Variants in PLCH1 observed in about 807,000 individuals in gnomAD.
PLCH1 encodes the protein 1-phosphatidylinositol 4,5-bisphosphate phosphodiesterase eta-1.
A neutral mutation model predicts 126.7 loss-of-function variants in PLCH1; 60 were observed. The ratio of observed to expected loss-of-function variants is 0.47; its 90% CI spans 0.38 to 0.59. The LOEUF is 0.59. Among genes scored for constraint, PLCH1 ranks in the 20% least tolerant of loss-of-function variants. PLCH1 has a pLI of 0.00. For synonymous variants in PLCH1, 719 were observed against 734.9 expected (o/e 0.98, Z 0.35); for missense variants, 1,723 against 2,040.0 (o/e 0.84, Z 2.99).
intron 2 of PLCH1, among the ~76,000 whole-genome samples, chr3:155,661,470 G>C (rs1742133145): frequency 6.6e-6 from 1 of 152,042 alleles, no homozygotes; most frequent in Admixed American, 6.6e-5. Flanking sequence ...GGTTCTAATT[G>C]CTAGCATCCC....
intron 4 of PLCH1, among the ~76,000 whole-genome samples, chr3:155,591,531 A>G (rs1465712246): frequency 6.6e-6 from 1 of 152,236 alleles, no homozygotes; most frequent in East Asian, 1.9e-4. Flanking sequence ...CAGACATTAA[A>G]GAGATTTGTA....
intron 2 of PLCH1, among the ~76,000 whole-genome samples, chr3:155,603,542 G>T (rs898580686): frequency 6.6e-6 from 1 of 152,148 alleles, no homozygotes; most frequent in Non-Finnish European, 1.5e-5. Context: ...CAGAGTTCTG[G>T]TCTGGGCTCT....
chr3:155,662,689 G>A (rs1742302624), intron 2 of PLCH1, among the ~76,000 whole-genome samples: 1 of 151,716 alleles, frequency 6.6e-6, no homozygotes, highest in East Asian at 1.9e-4. Context: ...TTTTTAGATG[G>A]AGTCTCACTC....
chr3:155,626,768 CAAAAAAAAAAAAAAA>C (rs71155058), intron 2 of PLCH1, among the ~76,000 whole-genome samples: 6 of 49,652 alleles, frequency 1.2e-4, no homozygotes, highest in Non-Finnish European at 2.4e-4. Flanking sequence ...GACTCCGTCT[CAAAAAAAAAAAAAAA>C]AAAAAAAAAA....
At chr3:155,732,535 A>C (rs1748848261) in intron 1 of PLCH1, among the ~76,000 whole-genome samples, 1 of 151,598 alleles carries the variant, frequency 6.6e-6, no homozygotes, top group Admixed American at 6.6e-5. Context: ...AAAAAAAAAG[A>C]ACTAATAAAC....
At position 155,686,521 on chromosome 3, in the gene PLCH1, C is replaced by T. The variant is rs551461897; in HGVS notation, c.79+17625G>A. ...TTTTGAAGCTGTGGACATGAACACA[C>T]GGTGTGGCATGGTAGGTACCTCACA... On this transcript the variant is annotated intron_variant, in intron 2 of 22. Coordinates refer to ENST00000460012, the MANE Select transcript of PLCH1 (RefSeq NM_014996.4). Among the ~76,000 whole-genome samples, 27 of 152,264 alleles carry T rather than the reference C, an allele frequency of 1.8e-4. No individual in the cohort carries two copies. The South Asian group carries it at 3.9e-3, about 22-fold the overall frequency.
chr3:155,481,134 A>G lies in PLCH1; in HGVS notation c.4892T>C (p.Leu1631Pro), dbSNP rs766596023. ...HSTGSYIAGY[L>P]KNTKGGGLEG... ...AAGGCCACCCCCTTTCGTGTTCTTC[A>G]GGTAGCCTGCGATGTAGGAGCCGGT... The change falls in exon 23 of 23, where the codon CTG (leucine) becomes CCG (proline). Residue 1631 changes from leucine to proline, a missense_variant. Physicochemically the swap from Leu to Pro is moderately conservative, Grantham distance 98. This residue lies in a region of PLCH1 where 947 missense variants were observed against 977.1 expected (regional missense o/e 0.97). Coordinates refer to ENST00000460012, the MANE Select transcript of PLCH1 (RefSeq NM_014996.4). This position sits in a 1 kb window ranked among gnomAD's most constrained non-coding sequence, Gnocchi z 4.2. 2.5e-6 allele frequency: 4 copies of G among 1,614,190 alleles called. No individual in the cohort carries two copies. In the South Asian group the frequency reaches 4.4e-5, roughly 18 times the overall value.
intron 21 of PLCH1, among the ~76,000 whole-genome samples, chr3:155,473,308 G>A (rs1186799544): frequency 6.6e-6 from 1 of 152,020 alleles, no homozygotes; most frequent in Non-Finnish European, 1.5e-5. Context: ...CAAATCATGA[G>A]TGACCTCCCA....
intron 2 of PLCH1, among the ~76,000 whole-genome samples, chr3:155,620,976 C>T (rs1006099330): frequency 6.6e-6 from 1 of 152,174 alleles, no homozygotes; most frequent in Non-Finnish European, 1.5e-5. Flanking sequence ...GAAGACACCT[C>T]CCAGTAGGGG....
chr3:155,562,074 C>A (rs1206828492), intron 8 of PLCH1, among the ~76,000 whole-genome samples: 1 of 152,198 alleles, frequency 6.6e-6, no homozygotes, highest in Admixed American at 6.5e-5. Flanking sequence ...AGCCACTGCG[C>A]CTGGCCACAT....
At chr3:155,549,496 A>T (rs991171905) in intron 10 of PLCH1, among the ~76,000 whole-genome samples, 2 of 152,136 alleles carry the variant, frequency 1.3e-5, no homozygotes, top group African/African-American at 4.8e-5. Context: ...CTACACACAC[A>T]TTTCTCTCTA....
At chr3:155,590,344 CGAGGTG>C (rs1328911853) in intron 4 of PLCH1, among the ~76,000 whole-genome samples, 1 of 152,038 alleles carries the variant, frequency 6.6e-6, no homozygotes, top group East Asian at 1.9e-4. Context: ...TTTGGGAGGC[CGAGGTG>C]GGAGGATCAC....
chr3:155,681,298 T>G (rs1426172193), intron 2 of PLCH1, among the ~76,000 whole-genome samples: 3 of 152,228 alleles, frequency 2.0e-5, no homozygotes, highest in Non-Finnish European at 4.4e-5. Context: ...TTACTAACAT[T>G]TATGAAGCAC....
intron 9 of PLCH1, among the ~76,000 whole-genome samples, chr3:155,552,553 G>A (rs866547906): frequency 6.6e-6 from 1 of 152,320 alleles, no homozygotes; most frequent in South Asian, 2.1e-4. Context: ...TCCAGGCAGA[G>A]AGAACAGCAT....
At chr3:155,549,486 C>G (rs1345374064) in intron 10 of PLCH1, among the ~76,000 whole-genome samples, 1 of 152,148 alleles carries the variant, frequency 6.6e-6, no homozygotes, top group African/African-American at 2.4e-5. Context: ...CCTCACGCTC[C>G]TACACACACA....
intron 14 of PLCH1, among the ~76,000 whole-genome samples, chr3:155,499,182 T>G (rs1235758306): frequency 6.6e-6 from 1 of 152,198 alleles, no homozygotes; most frequent in Non-Finnish European, 1.5e-5. Context: ...GAGCACATTT[T>G]CATGTGTTTA....
At chr3:155,571,651 G>A (rs993964548) in intron 6 of PLCH1, among the ~76,000 whole-genome samples, 5 of 152,206 alleles carry the variant, frequency 3.3e-5, no homozygotes, top group South Asian at 4.1e-4. Flanking sequence ...TGCCCACCTC[G>A]GCCTCCCAAA....
chr3:155,500,559 T>C, intron 14 of PLCH1, 144 bp downstream of exon 14: 1 of 600,776 alleles, frequency 1.7e-6, no homozygotes, highest in Non-Finnish European at 3.0e-6. Flanking sequence ...TCATTTCATA[T>C]CCAGCTGTTC....
At chr3:155,523,236 A>T (rs1287713152) in intron 11 of PLCH1, among the ~76,000 whole-genome samples, 1 of 151,988 alleles carries the variant, frequency 6.6e-6, no homozygotes, top group Non-Finnish European at 1.5e-5. Flanking sequence ...TCGGCCTCCC[A>T]AAGTGCTGGG....
Sources: allele counts gnomAD v4.1 joint callset (sites outside exome capture counted in the v4.1 genomes callset), GRCh38; gene constraint gnomAD v4.1.1; regional missense constraint gnomAD v4.1.1; non-coding constraint Gnocchi (gnomAD v3.1); transcripts MANE v1.5; gene names NCBI Gene and HGNC (gene_info 2026-07-23, HGNC 2026-07-21).